The following PTPRD variants were observed in gnomAD, a reference collection of about 807,000 sequenced individuals.
PTPRD encodes receptor-type tyrosine-protein phosphatase delta.
In PTPRD, 34 loss-of-function variants were observed where a neutral mutation model predicts 214.5. That is an observed-to-expected ratio of 0.16 (90% CI 0.12 to 0.21). The LOEUF (loss-of-function observed/expected upper bound fraction) is 0.21, where lower values mean the gene tolerates loss of function less well. Among genes scored for constraint, PTPRD ranks in the 10% least tolerant of loss-of-function variants. PTPRD has a pLI of 1.00. For missense variants in PTPRD, 2,545 were observed against 2,398.7 expected, an observed-to-expected ratio of 1.06 and a Z score of -1.27; for synonymous variants, 1,128 against 845.7, an observed-to-expected ratio of 1.33 and a Z score of -5.79.
intron 14 of PTPRD, among the ~76,000 whole-genome samples, chr9:8,561,425 C>T (rs1024956669): frequency 1.3e-5 from 2 of 152,154 alleles, no homozygotes; most frequent in Non-Finnish European, 2.9e-5. Flanking sequence ...CAACTGTCAG[C>T]CTACCCTCAT....
At position 8,596,998 on chromosome 9, in the gene PTPRD, G is replaced by A. The variant is rs191847127; in HGVS notation, c.352+36319C>T. 9.9e-4 allele frequency among the ~76,000 whole-genome samples: 151 copies of A among 152,158 alleles called. 1 individual carries two copies. Among genetic ancestry groups the A allele is most frequent in the Non-Finnish European group, 1.5e-3 (99 of 67,918 alleles). ...GCTGTTAACAGAAACAGCTTGCAGA[G>A]ATTTATGGCTTCTATTAATTACACT... On this transcript the variant is annotated intron_variant, in intron 14 of 45. Transcript: ENST00000381196.
chr9:9,523,198 A>G (rs1213094599), intron 8 of PTPRD, among the ~76,000 whole-genome samples: 4 of 152,186 alleles, frequency 2.6e-5, no homozygotes, highest in South Asian at 4.1e-4. Flanking sequence ...ATTGTCATAG[A>G]ACAATAAATT....
At chr9:8,959,835 C>T (rs763747298) in intron 11 of PTPRD, among the ~76,000 whole-genome samples, 2 of 151,900 alleles carry the variant, frequency 1.3e-5, no homozygotes, top group African/African-American at 4.8e-5. Flanking sequence ...GGCATGTAGA[C>T]GGAGTTGCTA....
intron 9 of PTPRD, among the ~76,000 whole-genome samples, chr9:9,309,212 T>G (rs1256688193): frequency 6.6e-6 from 1 of 151,918 alleles, no homozygotes. Flanking sequence ...CTGAACTGTA[T>G]GTTTTTGTTT....
At chr9:10,038,842 C>G (rs1049511960) in intron 3 of PTPRD, among the ~76,000 whole-genome samples, 4 of 152,000 alleles carry the variant, frequency 2.6e-5, no homozygotes, top group Admixed American at 2.6e-4. Flanking sequence ...TCCCCTCAAT[C>G]CCTATGGCCC....
chr9:10,088,507 A>G (rs564772157), intron 3 of PTPRD, among the ~76,000 whole-genome samples: 4 of 151,830 alleles, frequency 2.6e-5, no homozygotes, highest in African/African-American at 4.8e-5. Context: ...AGAAAGGCAG[A>G]TATGAGTCCT....
intron 11 of PTPRD, among the ~76,000 whole-genome samples, chr9:8,778,985 C>T (rs571957205): frequency 1.3e-4 from 20 of 151,974 alleles, no homozygotes; most frequent in South Asian, 2.1e-4. Context: ...TTTATGATAT[C>T]TTCACTCTAA....
At chr9:10,455,375 T>C (rs1273670873) in intron 2 of PTPRD, among the ~76,000 whole-genome samples, 1 of 151,822 alleles carries the variant, frequency 6.6e-6, no homozygotes, top group Non-Finnish European at 1.5e-5. Context: ...TTAACTTTAC[T>C]GTCCTCTACT....
intron 9 of PTPRD, among the ~76,000 whole-genome samples, chr9:9,380,936 C>T (rs1489959413): frequency 1.3e-5 from 2 of 152,042 alleles, no homozygotes; most frequent in African/African-American, 4.8e-5. Flanking sequence ...TTATGTAATG[C>T]TCTTCTTTAT....
At chr9:9,060,415 G>C (rs1006493423) in intron 10 of PTPRD, among the ~76,000 whole-genome samples, 1 of 152,002 alleles carries the variant, frequency 6.6e-6, no homozygotes, top group East Asian at 1.9e-4. Context: ...AATAACATGA[G>C]AATAATTTTA....
intron 10 of PTPRD, among the ~76,000 whole-genome samples, chr9:9,063,994 T>C (rs902200725): frequency 6.6e-6 from 1 of 152,194 alleles, no homozygotes; most frequent in Non-Finnish European, 1.5e-5. Flanking sequence ...TACTGTGGCA[T>C]GGTTTTAATA....
At chr9:10,598,321 T>A (rs1390203834) in intron 2 of PTPRD, among the ~76,000 whole-genome samples, 1 of 151,782 alleles carries the variant, frequency 6.6e-6, no homozygotes, top group Non-Finnish European at 1.5e-5. Context: ...TAGCCTAATA[T>A]TAAAATTTTA....
In PTPRD at chr9:8,726,326, C is replaced by T. The variant is rs957260871; in HGVS notation, c.64+7454G>A. The stretch of plus-strand genomic sequence containing the variant: ...AGGTACAGCTGGGTGTGGTGGCTCA[C>T]GACTATAATCCCAGCACTTTGGGAA... On this transcript the variant is annotated intron_variant, in intron 12 of 45. Coordinates refer to ENST00000381196, the MANE Select transcript of PTPRD (RefSeq NM_002839.4). Among the ~76,000 whole-genome samples, 36 of 151,408 alleles carry T rather than the reference C, an allele frequency of 2.4e-4. 1 individual carries two copies. The highest frequency in any genetic ancestry group is 8.3e-4 in the African/African-American group (34 of 41,192).
intron 3 of PTPRD, among the ~76,000 whole-genome samples, chr9:10,217,309 AAC>A (rs772121666): frequency 1.3e-5 from 2 of 151,810 alleles, no homozygotes; most frequent in East Asian, 3.9e-4. Context: ...AACACATACA[AAC>A]ACACACACTA....
chr9:8,668,412 C>T (rs2097211239), intron 12 of PTPRD, among the ~76,000 whole-genome samples: 1 of 152,170 alleles, frequency 6.6e-6, no homozygotes, highest in Non-Finnish European at 1.5e-5. Context: ...TACATGGAGA[C>T]ACATATGTTC....
chr9:9,090,647 C>A (rs2154431300), intron 10 of PTPRD, among the ~76,000 whole-genome samples: 1 of 152,252 alleles, frequency 6.6e-6, no homozygotes, highest in South Asian at 2.1e-4. Context: ...TAATAGTTGG[C>A]AGCCTGGCAC....
At chr9:10,297,180 G>A (rs2095703718) in intron 3 of PTPRD, among the ~76,000 whole-genome samples, 1 of 150,076 alleles carries the variant, frequency 6.7e-6, no homozygotes, top group Admixed American at 6.7e-5. Flanking sequence ...ACCATGTGCA[G>A]GTTTGTTACA....
chr9:8,958,099 C>G (rs558683772), intron 11 of PTPRD, among the ~76,000 whole-genome samples: 10 of 151,906 alleles, frequency 6.6e-5, no homozygotes, highest in African/African-American at 2.4e-4. Flanking sequence ...ATTCCAGCAC[C>G]CTGAGAGACC....
chr9:9,715,159 T>G (rs1012470677), intron 7 of PTPRD, among the ~76,000 whole-genome samples: 1 of 152,222 alleles, frequency 6.6e-6, no homozygotes, highest in Non-Finnish European at 1.5e-5. Flanking sequence ...ATTTTCTGTA[T>G]GTAAAGCAAG....
Sources: allele counts gnomAD v4.1 joint callset (sites outside exome capture counted in the v4.1 genomes callset), GRCh38; gene constraint gnomAD v4.1.1; transcripts MANE v1.5; gene names NCBI Gene and HGNC (gene_info 2026-07-23, HGNC 2026-07-21).